The following ZNF639 variants were observed in gnomAD, a reference collection of about 807,000 sequenced individuals.
ZNF639 encodes the protein zinc finger protein 639, also known as zinc finger amplified in esophageal squamous cell carcinomas 1.
In ZNF639, 20 loss-of-function variants were observed where a neutral mutation model predicts 39.8. That is an observed-to-expected ratio of 0.50 (90% CI 0.35 to 0.73). The LOEUF is 0.73. Among genes scored for constraint, ZNF639 ranks in the 30% least tolerant of loss-of-function variants. The probability of loss-of-function intolerance (pLI) is 0.00; values close to 1 mark genes in which losing one functional copy is unlikely to be tolerated. For missense variants in ZNF639, 477 were observed against 566.2 expected, an observed-to-expected ratio of 0.84 and a Z score of 1.60; for synonymous variants, 176 against 189.8, an observed-to-expected ratio of 0.93 and a Z score of 0.60.
At position 179,337,927 on chromosome 3, in the gene ZNF639, C is replaced by T. The variant is rs1711602602; in HGVS notation, c.*3505C>T. On this transcript the variant is annotated 3_prime_UTR_variant, in exon 6 of 6. Coordinates refer to ENST00000496856, the MANE Select transcript of ZNF639 (RefSeq NM_001303426.2). ...GGATACAGGTGCCCACCACCACACC[C>T]AGCTAATTTTTCTATTTTTAGTAGA... The T allele has an allele frequency of 6.6e-6, 1 of 152,136 alleles. No homozygotes were observed. The highest frequency in any genetic ancestry group is 2.1e-4 in the South Asian group (1 of 4,818). 9.4% of individuals were successfully genotyped at this position (152,136 alleles called of 1,614,324 possible).
rs1175527145 is a variant in ZNF639 at position 179,328,369 on chromosome 3, T to A, written c.58+18T>A. The A allele has an allele frequency of 6.5e-7, 1 of 1,549,342 alleles. No homozygotes were observed. Among genetic ancestry groups the A allele is most frequent in the Admixed American group, 2.0e-5 (1 of 49,202 alleles). The stretch of plus-strand genomic sequence containing the variant: ...TTATTCAGGTCAGTGTATAATTATT[T>A]TAAAGTTGGGTATGGATTAATTCCC... On this transcript the variant is annotated intron_variant, in intron 3 of 5. Coordinates refer to ENST00000496856, the MANE Select transcript of ZNF639 (RefSeq NM_001303426.2).
chr3:179,329,805 A>G, intron 4 of ZNF639, 77 bp downstream of exon 4: 1 of 709,446 alleles, frequency 1.4e-6, no homozygotes, highest in East Asian at 2.8e-5. Flanking sequence ...AAATGTGGGT[A>G]AAATGTGGAT....
intron 3 of ZNF639, among the ~76,000 whole-genome samples, chr3:179,329,391 T>C (rs1362356633): frequency 1.3e-5 from 2 of 152,226 alleles, no homozygotes; most frequent in Non-Finnish European, 2.9e-5. Context: ...TATCCTTGTA[T>C]ATTTCAAAGT....
intron 4 of ZNF639, among the ~76,000 whole-genome samples, chr3:179,331,710 G>A (rs1424280859): frequency 6.7e-6 from 1 of 150,156 alleles, no homozygotes; most frequent in Non-Finnish European, 1.5e-5. Flanking sequence ...GGGAGGCGGA[G>A]GTTGTGGTGA....
chr3:179,329,975 C>T (rs1300516888), intron 4 of ZNF639: 3 of 227,472 alleles, frequency 1.3e-5, no homozygotes, highest in African/African-American at 2.5e-5. Flanking sequence ...TGCAGCAGCG[C>T]GATCTTGGCT....
chr3:179,323,393 G>A (rs764710966), intron 1 of ZNF639, 102 bp downstream of exon 1: 129 of 985,302 alleles, frequency 1.3e-4, no homozygotes, highest in Non-Finnish European at 1.5e-4. Flanking sequence ...AGAGACCGGA[G>A]CTCCCTTTAT....
chr3:179,323,348 G>A, intron 1 of ZNF639, 57 bp downstream of exon 1: 1 of 985,746 alleles, frequency 1.0e-6, no homozygotes, highest in Non-Finnish European at 1.2e-6. Context: ...GGGGACGCGG[G>A]CGTGCGGGCG....
In ZNF639 at chr3:179,336,255, G is replaced by A. The variant is rs1349472004; in HGVS notation, c.*1833G>A. On this transcript the variant is annotated 3_prime_UTR_variant, in exon 6 of 6. Transcript: ENST00000496856. Reference sequence around the variant, plus strand: ...ATTTGGGAGGGAACACAATTGAGTAGCAGAGTCTGAAACAGCACTATAAAG... The same window carrying A: ...ATTTGGGAGGGAACACAATTGAGTAACAGAGTCTGAAACAGCACTATAAAG... 6.6e-6 allele frequency: 1 copy of A among 152,206 alleles called. No homozygotes were observed. The highest frequency in any genetic ancestry group is 1.5e-5 in the Non-Finnish European group (1 of 68,044). 9.4% of individuals were successfully genotyped at this position (152,206 alleles called of 1,614,324 possible).
intron 4 of ZNF639, among the ~76,000 whole-genome samples, chr3:179,331,516 C>A (rs1001619768): frequency 6.6e-6 from 1 of 152,078 alleles, no homozygotes; most frequent in African/African-American, 2.4e-5. Context: ...CGGTGGCTCA[C>A]GCCTGTAATC....
chr3:179,331,775 CAAAAAAAAAAA>C (rs56708873), intron 4 of ZNF639, among the ~76,000 whole-genome samples: 20 of 80,554 alleles, frequency 2.5e-4, no homozygotes, highest in African/African-American at 8.9e-4. Context: ...AACTCCATCT[CAAAAAAAAAAA>C]AAAAAAAAAA....
At chr3:179,323,432 G>A in intron 1 of ZNF639, 141 bp downstream of exon 1, 2 of 971,758 alleles carry the variant, frequency 2.1e-6, no homozygotes, top group Non-Finnish European at 2.4e-6. Flanking sequence ...TTATATGGCG[G>A]GATGGCGTTC....
In ZNF639 at chr3:179,338,521, TAC is replaced by T. The variant is rs1221767495; in HGVS notation, c.*4101_*4102del. ...TATAATCTATTGTTTGCTGAATTGT[TAC>T]AGTCTTTTGTTTTTAATAGACTAGC... On this transcript the variant is annotated 3_prime_UTR_variant, in exon 6 of 6. Coordinates refer to ENST00000496856, the MANE Select transcript of ZNF639 (RefSeq NM_001303426.2). The T allele has an allele frequency of 6.6e-6, 1 of 152,152 alleles. No homozygotes were observed. Among genetic ancestry groups the T allele is most frequent in the Non-Finnish European group, 1.5e-5 (1 of 68,014 alleles). The allele number at this position is 152,152 out of a possible 1,614,324, so 9.4% of individuals were successfully genotyped here.
chr3:179,330,275 T>C (rs1727835404), intron 4 of ZNF639, among the ~76,000 whole-genome samples: 1 of 151,966 alleles, frequency 6.6e-6, no homozygotes. Flanking sequence ...CTAAGTCCAT[T>C]TTTTGAAGGG....
At position 179,334,367 on chromosome 3, in the gene ZNF639, G is replaced by A; in HGVS notation, c.1403G>A (p.Arg468Lys). The A allele has an allele frequency of 6.3e-7, 1 of 1,591,008 alleles. No homozygotes were observed. The highest frequency in any genetic ancestry group is 8.5e-7 in the Non-Finnish European group (1 of 1,170,178). Residue 468 changes from arginine (R) to lysine (K), a missense_variant, in exon 6 of 6, where the codon AGG becomes AAG. Coordinates refer to ENST00000496856, the MANE Select transcript of ZNF639 (RefSeq NM_001303426.2). ...LPHKCSDCLM[R>K]FGNERELISH... ...CATAAATGTAGTGACTGCTTGATGA[G>A]GTTTGGAAATGAAAGGGAATTAATA...
chr3:179,325,058 G>C (rs1727510352), intron 1 of ZNF639: 1 of 152,130 alleles, frequency 6.6e-6, no homozygotes, highest in Admixed American at 6.6e-5. Flanking sequence ...TTTCACTCCT[G>C]TTACCCAGGC....
At chr3:179,323,026 C>T (rs1223156725), upstream of ZNF639, 2 of 985,228 alleles carry the variant, frequency 2.0e-6, no homozygotes, top group Non-Finnish European at 2.4e-6. Flanking sequence ...TCTCGGCGGG[C>T]CCCTGAGGTG....
Position 179,335,486 on chromosome 3 carries a change from T to C in ZNF639, c.*1064T>C, listed in dbSNP as rs1711503763. 6.6e-6 allele frequency: 1 copy of C among 152,240 alleles called. No homozygotes were observed. Among genetic ancestry groups the C allele is most frequent in the Admixed American group, 6.5e-5 (1 of 15,278 alleles). The allele number at this position is 152,240 out of a possible 1,614,324, so 9.4% of individuals were successfully genotyped here. A position where few individuals can be genotyped will look rare whatever the true frequency, so the allele number is the denominator to read the frequency against. ...ATCTGGGAGATAGGGGTTGCTGGCATGAAAATGTATAACTTACAACATTTA... is the reference window on the plus strand; with the variant it reads ...ATCTGGGAGATAGGGGTTGCTGGCACGAAAATGTATAACTTACAACATTTA... On this transcript the variant is annotated 3_prime_UTR_variant, in exon 6 of 6. Transcript: ENST00000496856.
At position 179,335,458 on chromosome 3, in the gene ZNF639, A is replaced by G. The variant is rs148536763; in HGVS notation, c.*1036A>G. 1 of 152,372 alleles carries G rather than the reference A, an allele frequency of 6.6e-6. No individual in the cohort carries two copies. Among genetic ancestry groups the G allele is most frequent in the Admixed American group, 6.5e-5 (1 of 15,306 alleles). 9.4% of individuals were successfully genotyped at this position (152,372 alleles called of 1,614,324 possible). A position where few individuals can be genotyped will look rare whatever the true frequency, so the allele number is the denominator to read the frequency against. On this transcript the variant is annotated 3_prime_UTR_variant, in exon 6 of 6. Coordinates refer to ENST00000496856, the MANE Select transcript of ZNF639 (RefSeq NM_001303426.2). ...ACCCACTGAAGTATTTAAAGTTAGG[A>G]AGATCTGGGAGATAGGGGTTGCTGG...
In ZNF639 at chr3:179,333,737, A is replaced by T. The variant is rs748588330; in HGVS notation, c.773A>T (p.Asp258Val). Residue 258 changes from aspartate (D) to valine (V), a missense_variant, in exon 6 of 6, where the codon GAT becomes GTT. By Grantham distance (152) the Asp-to-Val change is radical. Transcript: ENST00000496856. ...GAACATGCCAAACTGCATGAAGAGGATCCCTACATTTGTAAATACTGTGAT... is the reference window on the plus strand; with the variant it reads ...GAACATGCCAAACTGCATGAAGAGGTTCCCTACATTTGTAAATACTGTGAT... Reference protein sequence around the residue: ...LIEHAKLHEEDPYICKYCDYK... With the variant: ...LIEHAKLHEEVPYICKYCDYK... 4 of 1,614,170 alleles carry T rather than the reference A, an allele frequency of 2.5e-6. No homozygotes were observed. The highest frequency in any genetic ancestry group is 3.4e-6 in the Non-Finnish European group (4 of 1,180,028).
Sources: gnomAD v4.1 joint callset for allele counts (sites outside exome capture counted in the v4.1 genomes callset) on GRCh38, gnomAD v4.1.1 for gene constraint, MANE v1.5 for transcripts, NCBI Gene and HGNC (gene_info 2026-07-23, HGNC 2026-07-21) for gene names.